SATB1: variants seen among roughly 807,000 people sequenced by gnomAD.
The protein encoded by SATB1 is DNA-binding protein SATB1.
SATB1 carries 11 observed loss-of-function variants against 86.9 expected under a neutral mutation model. The ratio of observed to expected loss-of-function variants is 0.13; its 90% CI spans 0.08 to 0.21. The LOEUF (loss-of-function observed/expected upper bound fraction) is 0.21. SATB1 is among the 10% of genes least tolerant of loss of function. The pLI, the probability that SATB1 is intolerant of heterozygous loss-of-function variation, is 1.00. For missense variants in SATB1, 551 were observed against 937.6 expected, an observed-to-expected ratio of 0.59 and a Z score of 5.39; for synonymous variants, 357 against 357.2, an observed-to-expected ratio of 1.00 and a Z score of 0.01.
intron 8 of SATB1, among the ~76,000 whole-genome samples, chr3:18,384,263 T>C (rs1237391008): frequency 6.6e-6 from 1 of 152,184 alleles, no homozygotes; most frequent in African/African-American, 2.4e-5. Flanking sequence ...TACAGGAAAG[T>C]TATCCTATAG....
At chr3:18,390,431 G>A (rs189783635) in intron 7 of SATB1, among the ~76,000 whole-genome samples, 96 of 152,280 alleles carry the variant, frequency 6.3e-4, no homozygotes, top group Admixed American at 1.6e-3. Flanking sequence ...ATGGATTCAT[G>A]CCAAGTAAGT....
At chr3:18,403,925 A>G (rs1466283843) in intron 5 of SATB1, among the ~76,000 whole-genome samples, 2 of 151,994 alleles carry the variant, frequency 1.3e-5, no homozygotes, top group Non-Finnish European at 2.9e-5. Context: ...CTGACTACCT[A>G]TGGCCTGATT....
At chr3:18,387,989 G>C (rs1696430481) in intron 7 of SATB1, among the ~76,000 whole-genome samples, 1 of 152,036 alleles carries the variant, frequency 6.6e-6, no homozygotes, top group Non-Finnish European at 1.5e-5. Flanking sequence ...TTTATAAGCT[G>C]GTATTTAAAA....
intron 2 of SATB1, among the ~76,000 whole-genome samples, chr3:18,436,277 T>C (rs536222288): frequency 3.9e-5 from 6 of 152,296 alleles, no homozygotes; most frequent in Admixed American, 6.5e-5. Flanking sequence ...AAAGAACGCA[T>C]AGAAGGTCAA....
intron 2 of SATB1, among the ~76,000 whole-genome samples, chr3:18,432,277 T>G (rs1298188954): frequency 6.6e-6 from 1 of 152,176 alleles, no homozygotes; most frequent in Non-Finnish European, 1.5e-5. Flanking sequence ...ATCCTCCAAT[T>G]TTTAATTCCG....
chr3:18,346,184 A>G lies in SATB1; in HGVS notation c.*2986T>C, dbSNP rs1032742296. On this transcript the variant is annotated 3_prime_UTR_variant, in exon 11 of 11. Coordinates refer to ENST00000338745, the MANE Select transcript of SATB1 (RefSeq NM_002971.6). ...GCATATTGTGTGGCAAGGAGATACT[A>G]TCAACATTTTTTTTTGCATAATGTG... The G allele has an allele frequency of 4.6e-5, 7 of 152,114 alleles. No individual in the cohort carries two copies. Among genetic ancestry groups the G allele is most frequent in the African/African-American group, 1.7e-4 (7 of 41,446 alleles). 9.4% of individuals were successfully genotyped at this position (152,114 alleles called of 1,614,324 possible).
chr3:18,395,115 T>C (rs1696899864), intron 6 of SATB1, among the ~76,000 whole-genome samples, 199 bp from the exon 7 acceptor site: 1 of 152,214 alleles, frequency 6.6e-6, no homozygotes, highest in African/African-American at 2.4e-5. Flanking sequence ...ACTTTGGAAA[T>C]GGGACAGCAT....
At chr3:18,382,394 T>A (rs1449242966) in intron 8 of SATB1, among the ~76,000 whole-genome samples, 1 of 152,184 alleles carries the variant, frequency 6.6e-6, no homozygotes, top group Non-Finnish European at 1.5e-5. Flanking sequence ...GCTAAATTAA[T>A]TTAACTCCAA....
intron 9 of SATB1, among the ~76,000 whole-genome samples, chr3:18,359,024 G>A (rs1694785407): frequency 6.6e-6 from 1 of 151,942 alleles, no homozygotes; most frequent in African/African-American, 2.4e-5. Flanking sequence ...CATAAACCTG[G>A]AGAAAAATTT....
intron 8 of SATB1, among the ~76,000 whole-genome samples, chr3:18,381,886 A>AT (rs1476481455): frequency 2.0e-5 from 3 of 152,110 alleles, no homozygotes; most frequent in Non-Finnish European, 4.4e-5. Flanking sequence ...ATGGTTTCAT[A>AT]TTTTTAGATA....
At chr3:18,401,306 A>G (rs908324696) in intron 5 of SATB1, among the ~76,000 whole-genome samples, 2 of 152,164 alleles carry the variant, frequency 1.3e-5, no homozygotes, top group Non-Finnish European at 1.5e-5. Context: ...CAGCTTAACT[A>G]TGACACGAAT....
intron 8 of SATB1, 36 bp from the exon 9 acceptor site, chr3:18,378,361 T>C (rs1461205775): frequency 3.1e-6 from 5 of 1,604,824 alleles, no homozygotes; most frequent in Non-Finnish European, 2.6e-6. Flanking sequence ...TCATTTTTCA[T>C]TGGCTGAATT....
Position 18,443,734 on chromosome 3 carries a change from G to A in SATB1, c.-25+1784C>T, listed in dbSNP as rs778123023. On this transcript the variant is annotated intron_variant, in intron 1 of 3. Coordinates refer to the SATB1 transcript ENST00000415069. This position sits in a 1 kb window ranked among gnomAD's most constrained non-coding sequence, Gnocchi z 4.4. ...CCGGCCCGGGAGCCTTAGCACTGGA[G>A]CAATAGGAAAAGGCCACCGCGCTCG... Among the ~76,000 whole-genome samples, 1 of 152,142 alleles carries A rather than the reference G, an allele frequency of 6.6e-6. No homozygotes were observed.
intron 10 of SATB1, chr3:18,351,395 G>A: frequency 6.5e-7 from 1 of 1,549,114 alleles, no homozygotes; most frequent in Middle Eastern, 1.7e-4. Flanking sequence ...CCCAAGGGTG[G>A]TGGGAGAGGG....
chr3:18,355,065 G>A (rs1419233234), intron 9 of SATB1, among the ~76,000 whole-genome samples: 2 of 151,980 alleles, frequency 1.3e-5, no homozygotes, highest in Non-Finnish European at 2.9e-5. Context: ...CAAGAAATGC[G>A]ATGATTTTAA....
intron 7 of SATB1, among the ~76,000 whole-genome samples, chr3:18,390,451 A>T (rs1696598751): frequency 6.6e-6 from 1 of 152,202 alleles, no homozygotes; most frequent in Non-Finnish European, 1.5e-5. Context: ...TTTTAAGTAG[A>T]CACATTTATC....
chr3:18,424,320 C>T lies in SATB1; in HGVS notation c.-718G>A, dbSNP rs1698547308. ...CCACCTCGCCTCCCTTCCAATCACC[C>T]CCACCCCCCTCGCCAACAATCGCGA... On this transcript the variant is annotated 5_prime_UTR_variant, in exon 1 of 11. Transcript: ENST00000338745. 4 of 139,240 alleles carry T rather than the reference C, an allele frequency of 2.9e-5. No individual in the cohort carries two copies. The highest frequency in any genetic ancestry group is 7.1e-5 in the Admixed American group (1 of 14,108). 8.6% of individuals were successfully genotyped at this position (139,240 alleles called of 1,614,324 possible).
At chr3:18,358,626 T>G (rs1420860356) in intron 9 of SATB1, among the ~76,000 whole-genome samples, 1 of 152,026 alleles carries the variant, frequency 6.6e-6, no homozygotes, top group African/African-American at 2.4e-5. Context: ...ATCCACTTGA[T>G]TCAAAGACGG....
At position 18,352,283 on chromosome 3, in the gene SATB1, A is replaced by C. The variant is rs1430789831; in HGVS notation, c.1576-88T>G. ...GGAGCTAAAAAGGAAAAACCCTATGAATTAACTTTTTCATAAGCTCAGAAC... is the reference window on the plus strand; with the variant it reads ...GGAGCTAAAAAGGAAAAACCCTATGCATTAACTTTTTCATAAGCTCAGAAC... On this transcript the variant is annotated intron_variant, in intron 9 of 10. Transcript: ENST00000338745. The surrounding 1 kb of genome is among the most constrained non-coding windows in gnomAD (Gnocchi z 4.1). The C allele has an allele frequency of 3.4e-6, 4 of 1,175,280 alleles. No individual in the cohort carries two copies. In the East Asian group the frequency reaches 9.9e-5, roughly 29 times the overall value. The allele number at this position is 1,175,280 out of a possible 1,614,324, so 72.8% of individuals were successfully genotyped here.
Sources: gnomAD v4.1 joint callset for allele counts (sites outside exome capture counted in the v4.1 genomes callset) on GRCh38, gnomAD v4.1.1 for gene constraint, Gnocchi (gnomAD v3.1) non-coding constraint, MANE v1.5 for transcripts, NCBI Gene and HGNC (gene_info 2026-07-23, HGNC 2026-07-21) for gene names.